FBN1: variants seen among roughly 807,000 people sequenced by gnomAD.
FBN1 encodes the protein fibrillin 1.
A neutral mutation model predicts 365.1 loss-of-function variants in FBN1; 29 were observed. The ratio of observed to expected loss-of-function variants is 0.08; its 90% CI spans 0.06 to 0.11. FBN1 has a LOEUF of 0.11. FBN1 is among the 10% of genes least tolerant of loss of function. The probability of loss-of-function intolerance (pLI) is 1.00; values close to 1 mark genes in which losing one functional copy is unlikely to be tolerated. For synonymous variants in FBN1, 1,210 were observed against 1,270.5 expected (o/e 0.95, Z 1.01); for missense variants, 2,476 against 3,703.2 (o/e 0.67, Z 8.60).
rs1422618348 is a variant in FBN1, at chr15:48,534,279, T to C, written c.737-74A>G. ...TTCATTGCAGAATAAAATGTGATAATTTGTCCACAATTATGTTACCATATT... is the reference window on the plus strand; with the variant it reads ...TTCATTGCAGAATAAAATGTGATAACTTGTCCACAATTATGTTACCATATT... On this transcript the variant is annotated intron_variant, in intron 7 of 65. Transcript: ENST00000316623. 11 of 1,479,194 alleles carry C rather than the reference T, an allele frequency of 7.4e-6. No individual in the cohort carries two copies. In the East Asian group the frequency reaches 1.4e-4, roughly 18 times the overall value. 91.6% of individuals were successfully genotyped at this position (1,479,194 alleles called of 1,614,324 possible).
rs1245476075 is a variant in FBN1, at chr15:48,430,785, C to A, written c.6757G>T (p.Glu2253Ter). The A allele has an allele frequency of 6.2e-7, 1 of 1,612,702 alleles. No individual in the cohort carries two copies. Among genetic ancestry groups the A allele is most frequent in the East Asian group, 2.2e-5 (1 of 44,886 alleles). Residue 2253 changes from glutamate (E) to a stop codon, truncating the protein, a stop_gained, in exon 56 of 66, where the codon GAG (glutamate) becomes TAG (stop). Coordinates refer to ENST00000316623, the MANE Select transcript of FBN1 (RefSeq NM_000138.5). LOFTEE classifies it high-confidence loss of function. ...TTTTCAGTACAGTCATGTTTTCCCT[C>A]TTCACACTCATCCTCATCTGTAAAA... ...RMCKDEDECE[E>*]GKHDCTEKQM...
At chr15:48,464,598 A>G (rs2043305654) in intron 40 of FBN1, among the ~76,000 whole-genome samples, 1 of 152,216 alleles carries the variant, frequency 6.6e-6, no homozygotes, top group Non-Finnish European at 1.5e-5. Context: ...TATAATAATG[A>G]GTCTCCTAAT....
In FBN1 at chr15:48,488,534, G is replaced by A. The variant is rs1289635951; in HGVS notation, c.3083-41C>T. On this transcript the variant is annotated intron_variant, in intron 25 of 65. Transcript: ENST00000316623. ...AATGTGGGGCAAAATAAGTTTATGA[G>A]CAAGCAGTCAGGAGGTCTCAATGCC... The A allele has an allele frequency of 2.5e-6, 4 of 1,605,762 alleles. No individual in the cohort carries two copies. The African/African-American group carries it at 5.3e-5, about 21-fold the overall frequency.
chr15:48,503,683 C>A, intron 17 of FBN1, 104 bp downstream of exon 17: 1 of 1,501,952 alleles, frequency 6.7e-7, no homozygotes, highest in Non-Finnish European at 9.2e-7. Context: ...ACATGGCGTA[C>A]CTGGAGAGCA....
Position 48,445,403 on chromosome 15 carries a change from C to T in FBN1, c.5890G>A (p.Val1964Met). The change falls in exon 48 of 66, where the codon GTG becomes ATG. Residue 1964 changes from valine (V) to methionine (M), a missense_variant. Transcript: ENST00000316623. ...ACACAGGTCCTCCCATCTGGAGCCA[C>T]CTCATAGCCTTCATTGCACTGGCAC... ...FQCQCNEGYE[V>M]APDGRTCVDI... 6.2e-7 allele frequency: 1 copy of T among 1,612,742 alleles called. No homozygotes were observed. The highest frequency in any genetic ancestry group is 8.5e-7 in the Non-Finnish European group (1 of 1,179,180).
intron 2 of FBN1, 82 bp downstream of exon 2, chr15:48,644,524 C>T (rs1890254659): frequency 5.6e-6 from 9 of 1,600,486 alleles, no homozygotes; most frequent in East Asian, 4.5e-5. Flanking sequence ...AGGAGTCTTC[C>T]ACAGGGAGAG....
chr15:48,495,906 T>G (rs915357710), intron 20 of FBN1, among the ~76,000 whole-genome samples, 194 bp downstream of exon 20: 16 of 152,206 alleles, frequency 1.1e-4, no homozygotes, highest in Non-Finnish European at 4.4e-5. Flanking sequence ...ATGATGGCAA[T>G]TAAAATGCCA....
intron 6 of FBN1, among the ~76,000 whole-genome samples, chr15:48,584,732 G>A (rs559852074): frequency 2.0e-4 from 31 of 152,184 alleles, no homozygotes; most frequent in African/African-American, 6.5e-4. Context: ...AAATTATGCC[G>A]TCTGAAAAAA....
chr15:48,601,105 T>C (rs1444209913), intron 4 of FBN1, among the ~76,000 whole-genome samples: 1 of 152,174 alleles, frequency 6.6e-6, no homozygotes, highest in African/African-American at 2.4e-5. Flanking sequence ...AATAAGATCC[T>C]CATTTTCACC....
chr15:48,608,025 G>A (rs1273904976), intron 4 of FBN1, among the ~76,000 whole-genome samples: 2 of 152,180 alleles, frequency 1.3e-5, no homozygotes, highest in South Asian at 2.1e-4. Flanking sequence ...GACGAGTGTC[G>A]AGAGTTCCAC....
intron 8 of FBN1, chr15:48,529,050 G>A (rs1213624625): frequency 6.6e-6 from 1 of 152,172 alleles, no homozygotes; most frequent in Non-Finnish European, 1.5e-5. Context: ...AATTGAATTT[G>A]AGGCATCCCA....
At chr15:48,602,298 T>C (rs915510867) in intron 4 of FBN1, among the ~76,000 whole-genome samples, 5 of 152,236 alleles carry the variant, frequency 3.3e-5, no homozygotes, top group African/African-American at 1.2e-4. Flanking sequence ...TTTTGAAGCA[T>C]ATATTATATA....
At chr15:48,637,029 T>G (rs964257957) in intron 2 of FBN1, among the ~76,000 whole-genome samples, 1 of 152,032 alleles carries the variant, frequency 6.6e-6, no homozygotes, top group African/African-American at 2.4e-5. Context: ...TCGTGTATGG[T>G]AAGTTTGAAT....
chr15:48,455,702 C>T (rs1265767303), intron 44 of FBN1, among the ~76,000 whole-genome samples: 1 of 152,210 alleles, frequency 6.6e-6, no homozygotes, highest in Non-Finnish European at 1.5e-5. Flanking sequence ...CTAACTCACA[C>T]AGCAGGCAGA....
intron 6 of FBN1, among the ~76,000 whole-genome samples, chr15:48,543,222 C>G (rs184292640): frequency 6.6e-6 from 1 of 152,306 alleles, no homozygotes; most frequent in African/African-American, 2.4e-5. Context: ...CTCTTTCCTT[C>G]TAGTTTTACA....
rs79458820 is a variant in FBN1 at position 48,622,656 on chromosome 15, C to G, written c.165-9564G>C. Among the ~76,000 whole-genome samples the G allele has an allele frequency of 7.5e-3, 1,140 of 151,958 alleles. 13 individuals carry two copies. The highest frequency in any genetic ancestry group is 0.027 in the African/African-American group (1,097 of 41,380). Reference sequence around the variant, plus strand: ...ATTCCCCTACAGCCCAAAGATGGACCTTCACTCTCTATAATGTTAAACATC... The same window carrying G: ...ATTCCCCTACAGCCCAAAGATGGACGTTCACTCTCTATAATGTTAAACATC... On this transcript the variant is annotated intron_variant, in intron 2 of 65. Transcript: ENST00000316623.
intron 44 of FBN1, among the ~76,000 whole-genome samples, chr15:48,453,311 C>CAA (rs143853135): frequency 2.0e-5 from 2 of 101,412 alleles, no homozygotes; most frequent in African/African-American, 7.2e-5. Flanking sequence ...AAAACACACA[C>CAA]AAAAAAAAAG....
intron 3 of FBN1, 39 bp from the exon 4 acceptor site, chr15:48,610,865 G>A: frequency 4.5e-6 from 7 of 1,558,182 alleles, no homozygotes; most frequent in Non-Finnish European, 6.2e-6. Context: ...CATGGATTTG[G>A]AACACGATTT....
At position 48,505,141 on chromosome 15, in the gene FBN1, T is replaced by C. The variant is rs397515763; in HGVS notation, c.1844A>G (p.Asn615Ser). The change falls in exon 16 of 66, where the codon AAC (asparagine) becomes AGC (serine). Residue 615 changes from asparagine (N) to serine (S), a missense_variant. Asn to Ser is a conservative substitution (Grantham distance 46). Around this residue, in one of 5 missense-constraint regions of FBN1, gnomAD observed 1,780 missense variants for 2,840.8 expected, o/e 0.63. Transcript: ENST00000316623. ...ASDGRYCKDI[N>S]ECETPGICMN... is the part of the protein sequence containing the mutation. ...GCAGATCCCAGGGGTTTCACACTCGTTAATGTCTGTGGCAGAGAAAGGCAC... is the reference window on the plus strand; with the variant it reads ...GCAGATCCCAGGGGTTTCACACTCGCTAATGTCTGTGGCAGAGAAAGGCAC... 1.9e-6 allele frequency: 3 copies of C among 1,614,052 alleles called. No individual in the cohort carries two copies. Among genetic ancestry groups the C allele is most frequent in the East Asian group, 2.2e-5 (1 of 44,898 alleles).
Sources: gnomAD v4.1 joint callset for allele counts (sites outside exome capture counted in the v4.1 genomes callset) on GRCh38, gnomAD v4.1.1 for gene constraint, gnomAD v4.1.1 regional missense constraint, MANE v1.5 for transcripts, NCBI Gene and HGNC (gene_info 2026-07-23, HGNC 2026-07-21) for gene names.